Variants in ELP3 observed in about 807,000 individuals in gnomAD.
The protein encoded by ELP3 is elongator acetyltransferase complex subunit 3, also known as elongator complex protein 3.
ELP3 carries 56 observed loss-of-function variants against 74.9 expected under a neutral mutation model. The ratio of observed to expected loss-of-function variants is 0.75; its 90% CI spans 0.60 to 0.93. The LOEUF (loss-of-function observed/expected upper bound fraction) is 0.93. Among genes scored for constraint, ELP3 ranks in the 40% least tolerant of loss-of-function variants. ELP3 has a pLI of 0.00. For synonymous variants in ELP3, 222 were observed against 239.8 expected (o/e 0.93, Z 0.68); for missense variants, 573 against 686.5 (o/e 0.83, Z 1.85).
chr8:28,107,956 C>T lies in ELP3; in HGVS notation c.373C>T (p.Gln125Ter). 6.2e-7 allele frequency: 1 copy of T among 1,613,904 alleles called. No individual in the cohort carries two copies. Among genetic ancestry groups the T allele is most frequent in the Non-Finnish European group, 8.5e-7 (1 of 1,179,904 alleles). ...GPDSDFEYSTQSYTGYEPTSM... is the reference protein window; with the variant it reads ...GPDSDFEYST ...TGATTCTGATTTTGAGTATTCCACCCAGTCTTACACTGGCTATGAGGTACA... is the reference window on the plus strand; with the variant it reads ...TGATTCTGATTTTGAGTATTCCACCTAGTCTTACACTGGCTATGAGGTACA... Residue 125 changes from glutamine (Q) to a stop codon, truncating the protein, a stop_gained, in exon 5 of 15, where the codon CAG (glutamine) becomes TAG (stop). Coordinates refer to ENST00000256398, the MANE Select transcript of ELP3 (RefSeq NM_018091.6). LOFTEE classifies it high-confidence loss of function.
intron 7 of ELP3, among the ~76,000 whole-genome samples, chr8:28,120,107 GAATA>G (rs1348730078): frequency 1.3e-5 from 2 of 152,116 alleles, no homozygotes; most frequent in Admixed American, 1.3e-4. Context: ...TCTCTTGGGG[GAATA>G]AATAGACATA....
chr8:28,165,004 C>T (rs1055043802), intron 14 of ELP3, among the ~76,000 whole-genome samples: 2 of 151,968 alleles, frequency 1.3e-5, no homozygotes, highest in Non-Finnish European at 1.5e-5. Flanking sequence ...ATTTTGTCAG[C>T]GTTACCTCAT....
chr8:28,133,428 C>CTTTTTTTTTTTTTTTTT, intron 9 of ELP3, among the ~76,000 whole-genome samples: 1 of 135,560 alleles, frequency 7.4e-6, no homozygotes, highest in Non-Finnish European at 1.6e-5. Flanking sequence ...CTTTTTTTTC[C>CTTTTTTTTTTTTTTTTT]TTTTTTTTTT....
intron 14 of ELP3, among the ~76,000 whole-genome samples, chr8:28,178,847 C>G (rs903256484): frequency 2.0e-5 from 3 of 152,170 alleles, no homozygotes; most frequent in Non-Finnish European, 4.4e-5. Context: ...TCCCTGATAA[C>G]TGATGATTTT....
intron 10 of ELP3, among the ~76,000 whole-genome samples, chr8:28,141,157 G>A (rs1813222479): frequency 6.6e-6 from 1 of 152,166 alleles, no homozygotes; most frequent in African/African-American, 2.4e-5. Context: ...AGCAATTGCA[G>A]AGTGAAAGAG....
chr8:28,112,978 T>TA, intron 6 of ELP3, 41 bp from the exon 7 acceptor site: 1 of 1,583,052 alleles, frequency 6.3e-7, no homozygotes, highest in Non-Finnish European at 8.6e-7. Flanking sequence ...AGTAGTTCCT[T>TA]ATGCTTATAT....
chr8:28,113,210 G>T, intron 7 of ELP3, 37 bp downstream of exon 7: 1 of 1,585,598 alleles, frequency 6.3e-7, no homozygotes, highest in Non-Finnish European at 8.6e-7. Context: ...CTCCAGAGTG[G>T]TTGTCAGTTT....
intron 14 of ELP3, among the ~76,000 whole-genome samples, chr8:28,163,524 CTTTT>C (rs3081780): frequency 7.2e-6 from 1 of 137,952 alleles, no homozygotes. Context: ...ATTCCTAAAG[CTTTT>C]TTTTTTTTTT....
rs904080551 is a variant in ELP3 at position 28,161,364 on chromosome 8, A to T, written c.1486-633A>T. Among the ~76,000 whole-genome samples, 4 of 152,278 alleles carry T rather than the reference A, an allele frequency of 2.6e-5. No individual in the cohort carries two copies. In the South Asian group the frequency reaches 8.3e-4, roughly 32 times the overall value. ...TGAGGCAGGGGGATCACCTGAGGTC[A>T]GGAGTTCAAGACCAGCCTGGCCAAC... is the stretch of plus-strand genomic sequence containing the variant. On this transcript the variant is annotated intron_variant, in intron 13 of 14. Transcript: ENST00000256398.
chr8:28,099,068 C>T (rs1248813840), intron 2 of ELP3, among the ~76,000 whole-genome samples: 1 of 152,236 alleles, frequency 6.6e-6, no homozygotes, highest in African/African-American at 2.4e-5. Context: ...CAGGCAGCCT[C>T]TTGTACGTGT....
At chr8:28,170,856 T>A (rs1462380505) in intron 14 of ELP3, among the ~76,000 whole-genome samples, 2 of 152,214 alleles carry the variant, frequency 1.3e-5, no homozygotes, top group African/African-American at 2.4e-5. Flanking sequence ...CTAAACAAAC[T>A]GTGAACCCAT....
rs367949304 is a variant in ELP3, at chr8:28,158,550, G to A, written c.1192-18G>A. ...CCTCCCACCCCCCAACCCCGCTCAC[G>A]CCATTTTTTTTTGACAGTGTCGAGA... On this transcript the variant is annotated intron_variant, in intron 11 of 14. Transcript: ENST00000256398. The A allele has an allele frequency of 4.5e-5, 66 of 1,478,680 alleles. No homozygotes were observed. Among genetic ancestry groups the A allele is most frequent in the East Asian group, 9.4e-5 (4 of 42,558 alleles). The allele number at this position is 1,478,680 out of a possible 1,614,324, so 91.6% of individuals were successfully genotyped here.
chr8:28,107,786 C>T (rs1811755445), intron 4 of ELP3, 127 bp from the exon 5 acceptor site: 2 of 675,736 alleles, frequency 3.0e-6, no homozygotes, highest in Non-Finnish European at 5.2e-6. Context: ...AAGGTAGATT[C>T]TTCTGTTAGG....
At chr8:28,107,642 T>TA (rs1450551389) in intron 4 of ELP3, among the ~76,000 whole-genome samples, 1 of 152,234 alleles carries the variant, frequency 6.6e-6, no homozygotes, top group Non-Finnish European at 1.5e-5. Flanking sequence ...TCATTTCTGT[T>TA]ATTTGCCCCT....
intron 10 of ELP3, among the ~76,000 whole-genome samples, chr8:28,151,116 T>A (rs1210714522): frequency 6.6e-6 from 1 of 152,222 alleles, no homozygotes; most frequent in Non-Finnish European, 1.5e-5. Flanking sequence ...TCTTGGAAAT[T>A]CTGTTCTATT....
chr8:28,159,524 C>T (rs1342654739), intron 12 of ELP3, among the ~76,000 whole-genome samples: 1 of 152,130 alleles, frequency 6.6e-6, no homozygotes, highest in Non-Finnish European at 1.5e-5. Flanking sequence ...CATATGTATA[C>T]TTTTCTCTGT....
intron 10 of ELP3, among the ~76,000 whole-genome samples, chr8:28,140,114 T>G (rs1364533331): frequency 7.0e-6 from 1 of 143,692 alleles, no homozygotes; most frequent in African/African-American, 2.6e-5. Flanking sequence ...TGTACATATT[T>G]TGTGTGTGTG....
chr8:28,125,759 CTTTTTT>C (rs755484214), intron 7 of ELP3, among the ~76,000 whole-genome samples: 33 of 92,196 alleles, frequency 3.6e-4, no homozygotes, highest in South Asian at 1.3e-3. Flanking sequence ...AGTCATTTCT[CTTTTTT>C]TTTTTTTTTT....
chr8:28,158,525 C>T, intron 11 of ELP3, 43 bp from the exon 12 acceptor site: 1 of 1,248,768 alleles, frequency 8.0e-7, no homozygotes, highest in Non-Finnish European at 1.2e-6. Context: ...TATTTGTACC[C>T]CTCCCACCCC....
Sources: allele counts gnomAD v4.1 joint callset (sites outside exome capture counted in the v4.1 genomes callset), GRCh38; gene constraint gnomAD v4.1.1; transcripts MANE v1.5; gene names NCBI Gene and HGNC (gene_info 2026-07-23, HGNC 2026-07-21).